The following ABCB11 variants were observed in gnomAD, a reference collection of about 807,000 sequenced individuals.
ABCB11 encodes the protein ATP binding cassette subfamily B member 11.
A neutral mutation model predicts 148.0 loss-of-function variants in ABCB11; 95 were observed. The observed-to-expected ratio is 0.64, with a 90% confidence interval of 0.54 to 0.76. The LOEUF (loss-of-function observed/expected upper bound fraction) is 0.76, where lower values mean the gene tolerates loss of function less well. Among genes scored for constraint, ABCB11 ranks in the 30% least tolerant of loss-of-function variants. The pLI, the probability that ABCB11 is intolerant of heterozygous loss-of-function variation, is 0.00. For synonymous variants in ABCB11, 591 were observed against 555.4 expected (o/e 1.06, Z -0.90); for missense variants, 1,523 against 1,617.8 (o/e 0.94, Z 1.01).
intron 15 of ABCB11, 30 bp downstream of exon 15, chr2:168,970,015 C>G: frequency 6.4e-7 from 1 of 1,553,672 alleles, no homozygotes; most frequent in Non-Finnish European, 8.8e-7. Context: ...TCCACATGGA[C>G]CTGTAAAATG....
chr2:168,974,024 G>A (rs1406577280), intron 12 of ABCB11, among the ~76,000 whole-genome samples, 184 bp from the exon 13 acceptor site: 1 of 151,984 alleles, frequency 6.6e-6, no homozygotes, highest in Non-Finnish European at 1.5e-5. Context: ...GCAAGGATGA[G>A]GTTTTGGCAT....
rs11568374 is a variant in ABCB11 at position 168,944,587 on chromosome 2, T to G, written c.2610+18A>C. The G allele has an allele frequency of 4.8e-4, 748 of 1,573,460 alleles. No homozygotes were observed. Among genetic ancestry groups the G allele is most frequent in the Admixed American group, 7.9e-4 (41 of 52,112 alleles). Reference sequence around the variant, plus strand: ...CCAATGCAGTTAATATACTTCTATTTCCCCTCCCATAGCTCACCCCTTGAA... The same window carrying G: ...CCAATGCAGTTAATATACTTCTATTGCCCCTCCCATAGCTCACCCCTTGAA... On this transcript the variant is annotated intron_variant, in intron 21 of 27. Transcript: ENST00000650372.
intron 7 of ABCB11, 118 bp downstream of exon 7, chr2:168,995,231 A>G (rs565906856): frequency 1.4e-5 from 17 of 1,206,248 alleles, no homozygotes; most frequent in South Asian, 5.2e-5. Context: ...TGAAAGCCCA[A>G]TTTAAGAGAT....
chr2:168,963,197 G>C lies in ABCB11; in HGVS notation c.2178+1009C>G, dbSNP rs541179505. On this transcript the variant is annotated intron_variant, in intron 18 of 27. Transcript: ENST00000650372. ...ATTTGCTTTGATAAATCTTGCAGTT[G>C]GGGTTTTATTTTATTGTAGAAATTC... 5.4e-4 allele frequency among the ~76,000 whole-genome samples: 82 copies of C among 151,776 alleles called. No homozygotes were observed. The South Asian group carries it at 5.8e-3, about 11-fold the overall frequency.
At position 168,995,360 on chromosome 2, in the gene ABCB11, T is replaced by A; in HGVS notation, c.600A>T (p.Thr200=). 1 of 1,612,076 alleles carries A rather than the reference T, an allele frequency of 6.2e-7. No individual in the cohort carries two copies. The highest frequency in any genetic ancestry group is 8.5e-7 in the Non-Finnish European group (1 of 1,178,754). ...FDCNSVGELN[T]RFSDDINKIN... ...TACCAGCTACTTACTCAGAGAATCT[T>A]GTATTCAGCTCCCCCACTGAATTGC... Residue 200 remains threonine, a synonymous_variant, in exon 7 of 28, where the codon ACA becomes ACT. Coordinates refer to ENST00000650372, the MANE Select transcript of ABCB11 (RefSeq NM_003742.4).
downstream of ABCB11, among the ~76,000 whole-genome samples, chr2:168,920,086 G>T (rs1417417726): frequency 6.6e-6 from 1 of 152,024 alleles, no homozygotes; most frequent in African/African-American, 2.4e-5. Flanking sequence ...GGCTGGTCTT[G>T]TACTCCTGGG....
chr2:168,925,962 T>A (rs1285529738), intron 26 of ABCB11, among the ~76,000 whole-genome samples: 1 of 152,220 alleles, frequency 6.6e-6, no homozygotes, highest in East Asian at 1.9e-4. Flanking sequence ...AATTTCCATG[T>A]GCTTATAGAT....
intron 5 of ABCB11, among the ~76,000 whole-genome samples, chr2:168,997,709 T>G (rs1694758977): frequency 6.6e-6 from 1 of 152,036 alleles, no homozygotes; most frequent in Non-Finnish European, 1.5e-5. Flanking sequence ...GAGCTTGATT[T>G]TTTTTCTCTA....
chr2:168,938,206 T>A (rs1691912040), intron 21 of ABCB11, among the ~76,000 whole-genome samples: 1 of 152,152 alleles, frequency 6.6e-6, no homozygotes, highest in Non-Finnish European at 1.5e-5. Flanking sequence ...CCTTGGAGAC[T>A]AACAGGCTAA....
At chr2:168,929,647 T>G (rs1206845418) in intron 25 of ABCB11, among the ~76,000 whole-genome samples, 3 of 151,734 alleles carry the variant, frequency 2.0e-5, no homozygotes, top group African/African-American at 7.3e-5. Context: ...GTGAAAAGAG[T>G]AAGAGGTGAA....
chr2:168,936,513 T>A, intron 21 of ABCB11, 80 bp from the exon 22 acceptor site: 1 of 1,316,742 alleles, frequency 7.6e-7, no homozygotes, highest in Non-Finnish European at 1.1e-6. Flanking sequence ...AGGTCAGACC[T>A]TTTATAAAGT....
At chr2:168,932,328 G>A (rs770736227) in intron 24 of ABCB11, 49 bp downstream of exon 24, 1 of 1,488,522 alleles carries the variant, frequency 6.7e-7, no homozygotes, top group South Asian at 1.2e-5. Flanking sequence ...TCCCTGCAAA[G>A]GACATGAACT....
downstream of ABCB11, among the ~76,000 whole-genome samples, chr2:168,919,329 C>G (rs564387799): frequency 3.3e-5 from 5 of 152,164 alleles, no homozygotes; most frequent in Non-Finnish European, 7.4e-5. Flanking sequence ...ATCTCACTCT[C>G]TTTGTCTTCT....
intron 5 of ABCB11, among the ~76,000 whole-genome samples, chr2:169,005,632 C>T (rs950514554): frequency 1.3e-5 from 2 of 152,040 alleles, no homozygotes; most frequent in Non-Finnish European, 2.9e-5. Context: ...ACAAGCCTCC[C>T]CATTGAGAAA....
At chr2:168,963,483 C>T (rs1156543909) in intron 18 of ABCB11, among the ~76,000 whole-genome samples, 1 of 151,630 alleles carries the variant, frequency 6.6e-6, no homozygotes, top group Non-Finnish European at 1.5e-5. Flanking sequence ...TGAGGAAAGG[C>T]TTGGAGGAGA....
rs1691828372 is a variant in ABCB11 at position 168,936,391 on chromosome 2, T to C, written c.2653A>G (p.Asn885Asp). ...GCAATGATCATGGCCACAGTGACGT[T>C]AGTGAAGGAATTGACTATCATCCCG... is the stretch of plus-strand genomic sequence containing the variant. ...QIGMIVNSFT[N>D]VTVAMIIAFS... Residue 885 changes from asparagine (N) to aspartate (D), a missense_variant, in exon 22 of 28, where the codon AAC (asparagine) becomes GAC (aspartate). Asn to Asp is a conservative substitution (Grantham distance 23). Transcript: ENST00000650372. 6.2e-7 allele frequency: 1 copy of C among 1,613,748 alleles called. No homozygotes were observed. Among genetic ancestry groups the C allele is most frequent in the South Asian group, 1.1e-5 (1 of 91,070 alleles).
chr2:168,975,392 G>T (rs1333270302), intron 12 of ABCB11, among the ~76,000 whole-genome samples: 13 of 6,268 alleles, frequency 2.1e-3, no homozygotes, highest in Non-Finnish European at 3.1e-3. Context: ...TATATTTATA[G>T]ATAAATATAT....
At position 168,996,624 on chromosome 2, in the gene ABCB11, G is replaced by A; in HGVS notation, c.477+11C>T. ...ATATTGATCTATAAATTATACGGAG[G>A]AGCTACTAACTTGAATATATCCTGT... On this transcript the variant is annotated intron_variant, in intron 6 of 27. Transcript: ENST00000650372. 1.4e-6 allele frequency: 2 copies of A among 1,443,860 alleles called. No individual in the cohort carries two copies. Among genetic ancestry groups the A allele is most frequent in the Non-Finnish European group, 1.9e-6 (2 of 1,073,732 alleles). 89.4% of individuals were successfully genotyped at this position (1,443,860 alleles called of 1,614,324 possible). A position where few individuals can be genotyped will look rare whatever the true frequency, so the allele number is the denominator to read the frequency against.
intron 18 of ABCB11, among the ~76,000 whole-genome samples, chr2:168,958,611 G>T (rs1355818941): frequency 6.6e-6 from 1 of 151,370 alleles, no homozygotes. Context: ...TACATTAAGT[G>T]GTGTCAACAG....
Sources: gnomAD v4.1 joint callset for allele counts (sites outside exome capture counted in the v4.1 genomes callset) on GRCh38, gnomAD v4.1.1 for gene constraint, MANE v1.5 for transcripts, NCBI Gene and HGNC (gene_info 2026-07-23, HGNC 2026-07-21) for gene names.